Variants in SLC26A3 observed in about 807,000 individuals in gnomAD.
The protein encoded by SLC26A3 is chloride anion exchanger.
SLC26A3 carries 64 observed loss-of-function variants against 85.6 expected under a neutral mutation model. The ratio of observed to expected loss-of-function variants is 0.75; its 90% CI spans 0.61 to 0.92. SLC26A3 has a LOEUF of 0.92. Ranked by LOEUF, SLC26A3 falls within the 40% of genes least tolerant of loss-of-function variation. The pLI, the probability that SLC26A3 is intolerant of heterozygous loss-of-function variation, is 0.00. For missense variants in SLC26A3, 922 were observed against 927.3 expected, an observed-to-expected ratio of 0.99 and a Z score of 0.07; for synonymous variants, 349 against 336.0, an observed-to-expected ratio of 1.04 and a Z score of -0.42.
At chr7:107,773,871 T>A in intron 17 of SLC26A3, 49 bp downstream of exon 17, 3 of 1,480,674 alleles carry the variant, frequency 2.0e-6, no homozygotes, top group Non-Finnish European at 2.8e-6. Context: ...ATTTTTTTTT[T>A]AACCTTTAGT....
chr7:107,778,968 G>C (rs1794174510), intron 12 of SLC26A3, among the ~76,000 whole-genome samples: 1 of 152,104 alleles, frequency 6.6e-6, no homozygotes, highest in African/African-American at 2.4e-5. Flanking sequence ...TCCAGCCTGG[G>C]TGACAGAGGG....
At chr7:107,783,757 G>A (rs1794248372) in intron 8 of SLC26A3, among the ~76,000 whole-genome samples, 1 of 152,178 alleles carries the variant, frequency 6.6e-6, no homozygotes, top group Admixed American at 6.5e-5. Flanking sequence ...AAACACAATT[G>A]TGAGACAAGG....
intron 11 of SLC26A3, 130 bp from the exon 12 acceptor site, chr7:107,779,893 C>G: frequency 1.3e-6 from 1 of 767,412 alleles, no homozygotes; most frequent in Non-Finnish European, 2.3e-6. Flanking sequence ...ACACCCTTTT[C>G]CGGTGTGCGA....
chr7:107,800,441 G>A (rs1172306370), intron 1 of SLC26A3, among the ~76,000 whole-genome samples: 1 of 152,224 alleles, frequency 6.6e-6, no homozygotes, highest in East Asian at 1.9e-4. Flanking sequence ...TCCTAACACA[G>A]TTGTAGAAGA....
chr7:107,786,970 A>C (rs942223300), intron 7 of SLC26A3, 61 bp from the exon 8 acceptor site: 1 of 1,426,828 alleles, frequency 7.0e-7, no homozygotes, highest in Non-Finnish European at 9.9e-7. Flanking sequence ...TCTTGCTTTG[A>C]AGAAAAATAA....
At chr7:107,778,922 T>C (rs554641523) in intron 12 of SLC26A3, among the ~76,000 whole-genome samples, 1 of 152,008 alleles carries the variant, frequency 6.6e-6, no homozygotes, top group Non-Finnish European at 1.5e-5. Context: ...GCCCAGGAGT[T>C]TGAGGTTATA....
At chr7:107,770,344 C>A (rs1273900251) in intron 18 of SLC26A3, among the ~76,000 whole-genome samples, 5 of 142,764 alleles carry the variant, frequency 3.5e-5, no homozygotes, top group African/African-American at 7.7e-5. Context: ...GCAGCCTTGA[C>A]CTCCCAGGCT....
chr7:107,796,076 G>C (rs958736266), intron 1 of SLC26A3, among the ~76,000 whole-genome samples: 10 of 150,732 alleles, frequency 6.6e-5, no homozygotes, highest in African/African-American at 2.5e-4. Context: ...GAGTTCCTTT[G>C]AGCTCAGTTA....
chr7:107,783,091 C>G lies in SLC26A3; in HGVS notation c.1122G>C (p.Glu374Asp). The G allele has an allele frequency of 6.2e-7, 1 of 1,614,052 alleles. No homozygotes were observed. Among genetic ancestry groups the G allele is most frequent in the Non-Finnish European group, 8.5e-7 (1 of 1,179,888 alleles). Reference sequence around the variant, plus strand: ...TGTTACCCAGTCCCAAGGCTATTAACTCCTGACAGGAAGACAAGAATGAAC... The same window carrying G: ...TGTTACCCAGTCCCAAGGCTATTAAGTCCTGACAGGAAGACAAGAATGAAC... ...KYDYPLDGNQ[E>D]LIALGLGNIV... Residue 374 changes from glutamate (E) to aspartate (D), a missense_variant and splice_region_variant, in exon 10 of 21, where the codon GAG (glutamate) becomes GAC (aspartate). Coordinates refer to ENST00000340010, the MANE Select transcript of SLC26A3 (RefSeq NM_000111.3).
intron 1 of SLC26A3, among the ~76,000 whole-genome samples, 178 bp downstream of exon 1, chr7:107,802,933 A>G (rs1584417649): frequency 6.6e-6 from 1 of 152,234 alleles, no homozygotes; most frequent in Non-Finnish European, 1.5e-5. Context: ...TTTATTCTAC[A>G]TTGCTAGCGC....
chr7:107,778,367 T>TTTTTTTTTTTTTTC, intron 12 of SLC26A3, 86 bp from the exon 13 acceptor site: 1 of 868,024 alleles, frequency 1.2e-6, no homozygotes, highest in Non-Finnish European at 1.8e-6. Flanking sequence ...AGACTTTTTT[T>TTTTTTTTTTTTTTC]TTTTTTTTTT....
At position 107,774,072 on chromosome 7, in the gene SLC26A3, G is replaced by A. The variant is rs750715414; in HGVS notation, c.1855C>T (p.Pro619Ser). ...AAAGGCAGGTCTGTGGTATTGATTG[G>A]CTGGTCCAGTACTTCTATCTGATTG... ...DNNQIEVLDQPINTTDLPFHI... is the reference protein window; with the variant it reads ...DNNQIEVLDQSINTTDLPFHI... The change falls in exon 17 of 21, where the codon CCA becomes TCA. Residue 619 changes from proline to serine, a missense_variant. Coordinates refer to ENST00000340010, the MANE Select transcript of SLC26A3 (RefSeq NM_000111.3). 1 of 1,614,082 alleles carries A rather than the reference G, an allele frequency of 6.2e-7. No homozygotes were observed. The highest frequency in any genetic ancestry group is 1.1e-5 in the South Asian group (1 of 91,076).
intron 6 of SLC26A3, among the ~76,000 whole-genome samples, 183 bp downstream of exon 6, chr7:107,789,341 C>T (rs186376663): frequency 1.3e-5 from 2 of 151,224 alleles, no homozygotes; most frequent in Admixed American, 1.3e-4. Context: ...AGGATGGTCT[C>T]GATCTCCTGA....
At chr7:107,775,028 G>C (rs2115816306) in intron 15 of SLC26A3, among the ~76,000 whole-genome samples, 156 bp from the exon 16 acceptor site, 1 of 152,334 alleles carries the variant, frequency 6.6e-6, no homozygotes, top group East Asian at 1.9e-4. Flanking sequence ...ATATCAGCCA[G>C]AACATTGGGT....
chr7:107,765,736 T>G lies in SLC26A3; in HGVS notation c.*119A>C. 1.3e-6 allele frequency: 1 copy of G among 778,416 alleles called. No individual in the cohort carries two copies. The highest frequency in any genetic ancestry group is 2.0e-5 in the Admixed American group (1 of 50,474). The allele number at this position is 778,416 out of a possible 1,614,324, so 48.2% of individuals were successfully genotyped here. A position where few individuals can be genotyped will look rare whatever the true frequency, so the allele number is the denominator to read the frequency against. On this transcript the variant is annotated 3_prime_UTR_variant, in exon 21 of 21. Coordinates refer to ENST00000340010, the MANE Select transcript of SLC26A3 (RefSeq NM_000111.3). ...GCTAGAACCATCTTGTTCCAAAGTT[T>G]GAAACATATTCTGTCAAAAATACTC... is the stretch of plus-strand genomic sequence containing the variant.
intron 1 of SLC26A3, among the ~76,000 whole-genome samples, chr7:107,799,374 A>ATTTTCTTTTC (rs899561017): frequency 1.3e-5 from 2 of 151,944 alleles, no homozygotes; most frequent in Non-Finnish European, 2.9e-5. Context: ...CAAGCCATCA[A>ATTTTCTTTTC]TTTTCTTTTC....
intron 3 of SLC26A3, among the ~76,000 whole-genome samples, chr7:107,792,454 A>T (rs1156316370): frequency 6.6e-6 from 1 of 151,834 alleles, no homozygotes; most frequent in Non-Finnish European, 1.5e-5. Flanking sequence ...TAGGCATTAG[A>T]TTCTCATAAG....
intron 1 of SLC26A3, among the ~76,000 whole-genome samples, chr7:107,802,535 C>T (rs983220184): frequency 2.0e-5 from 3 of 151,952 alleles, no homozygotes; most frequent in African/African-American, 7.3e-5. Flanking sequence ...TCCCCTACCC[C>T]CTCCCTTTTT....
chr7:107,791,945 A>G lies in SLC26A3; in HGVS notation c.272-5T>C, dbSNP rs559838289. The G allele has an allele frequency of 6.5e-7, 1 of 1,547,890 alleles. No individual in the cohort carries two copies. Among genetic ancestry groups the G allele is most frequent in the African/African-American group, 1.4e-5 (1 of 73,672 alleles). ...CCAGCAGAGCAAATGCTAAACCTGT[A>G]AACACACAAGCAGCAGAGCCCTTAC... On this transcript the variant is annotated splice_polypyrimidine_tract_variant and splice_region_variant and intron_variant, in intron 3 of 20. Transcript: ENST00000340010.
Sources: gnomAD v4.1 joint callset for allele counts (sites outside exome capture counted in the v4.1 genomes callset) on GRCh38, gnomAD v4.1.1 for gene constraint, MANE v1.5 for transcripts, NCBI Gene and HGNC (gene_info 2026-07-23, HGNC 2026-07-21) for gene names.